The following APLP2 variants were observed in gnomAD, a reference collection of about 807,000 sequenced individuals.
APLP2 encodes CDEI box-binding protein.
Under a neutral mutation model 89.9 loss-of-function variants are expected in APLP2, and 53 were observed. The observed-to-expected ratio is 0.59, with a 90% CI of 0.47 to 0.74. The LOEUF (loss-of-function observed/expected upper bound fraction) is 0.74, where lower values mean the gene tolerates loss of function less well. Ranked by LOEUF, APLP2 falls within the 30% of genes least tolerant of loss-of-function variation. The probability of loss-of-function intolerance (pLI) is 0.00; values close to 1 mark genes in which losing one functional copy is unlikely to be tolerated. For missense variants in APLP2, 973 were observed against 975.9 expected, an observed-to-expected ratio of 1.00 and a Z score of 0.04; for synonymous variants, 372 against 348.6, an observed-to-expected ratio of 1.07 and a Z score of -0.75.
At chr11:130,079,181 C>G (rs1346366243) in intron 1 of APLP2, among the ~76,000 whole-genome samples, 1 of 151,974 alleles carries the variant, frequency 6.6e-6, no homozygotes, top group Non-Finnish European at 1.5e-5. Context: ...TCACTGCAAC[C>G]TTTGTCTCCC....
rs758301370 is a variant in APLP2 at position 130,143,549 on chromosome 11, G to C, written c.*101G>C. ...AGCAGCAGCCGCTGCCAGGGGCTGC[G>C]TCTGACATCCTGACCTCCTGGACTG... is the stretch of plus-strand genomic sequence containing the variant. On this transcript the variant is annotated 3_prime_UTR_variant, in exon 17 of 17. Coordinates refer to ENST00000338167, the MANE Select transcript of APLP2 (RefSeq NM_001142276.2). 1.6e-5 allele frequency: 15 copies of C among 962,868 alleles called. No individual in the cohort carries two copies. Among genetic ancestry groups the C allele is most frequent in the Non-Finnish European group, 2.3e-5 (14 of 603,216 alleles). The allele number at this position is 962,868 out of a possible 1,614,324, so 59.6% of individuals were successfully genotyped here. A position where few individuals can be genotyped will look rare whatever the true frequency, so the allele number is the denominator to read the frequency against.
chr11:130,084,391 G>T lies in APLP2; in HGVS notation c.105+14309G>T, dbSNP rs1943761664. Among the ~76,000 whole-genome samples, 4 of 152,308 alleles carry T rather than the reference G, an allele frequency of 2.6e-5. No individual in the cohort carries two copies. The South Asian group carries it at 8.3e-4, about 32-fold the overall frequency. ...CAGGGATAAATCCCACTTGATCCAGGTGTATGATCTTATTAATGTGTTGTC... is the reference window on the plus strand; with the variant it reads ...CAGGGATAAATCCCACTTGATCCAGTTGTATGATCTTATTAATGTGTTGTC... On this transcript the variant is annotated intron_variant, in intron 1 of 16. Transcript: ENST00000338167.
Position 130,137,250 on chromosome 11 carries a change from T to C in APLP2, c.1837+1535T>C, listed in dbSNP as rs372412146. 28 of 1,613,934 alleles carry C rather than the reference T, an allele frequency of 1.7e-5. No homozygotes were observed. The African/African-American group carries it at 3.5e-4, about 20-fold the overall frequency. On this transcript the variant is annotated intron_variant, in intron 13 of 16. Transcript: ENST00000338167. ...TTTTGTTTTTTATTGTTTTCCTTTC[T>C]GCTAGACACTCAGCCGGAGTTGTAC... is the stretch of plus-strand genomic sequence containing the variant.
chr11:130,102,096 GA>G, intron 1 of APLP2: 7 of 356,800 alleles, frequency 2.0e-5, no homozygotes, highest in Non-Finnish European at 2.7e-5. Context: ...ACTGAGAACA[GA>G]ATTTTTTTTT....
chr11:130,084,168 C>A (rs944188509), intron 1 of APLP2, among the ~76,000 whole-genome samples: 55 of 152,206 alleles, frequency 3.6e-4, no homozygotes, highest in African/African-American at 1.3e-3. Context: ...ATGGCGTGAA[C>A]CTGGGAGGTG....
intron 5 of APLP2, 53 bp downstream of exon 5, chr11:130,121,863 C>A: frequency 6.3e-7 from 1 of 1,577,768 alleles, no homozygotes; most frequent in Non-Finnish European, 8.6e-7. Flanking sequence ...GTTAGCCCTT[C>A]TGTAAAGACG....
rs138494606 is a variant in APLP2 at position 130,073,166 on chromosome 11, CA to C, written c.105+3085del. Reference sequence around the variant, plus strand: ...AGATGTACTGGAAGTGTAACATACACATCAGATTTTGAAGATTTAATACAGA... The same window carrying C: ...AGATGTACTGGAAGTGTAACATACACTCAGATTTTGAAGATTTAATACAGA... On this transcript the variant is annotated intron_variant, in intron 1 of 16. Transcript: ENST00000338167. Among the ~76,000 whole-genome samples, 394 of 152,250 alleles carry C rather than the reference CA, an allele frequency of 2.6e-3. 3 individuals are homozygous for C. The highest frequency in any genetic ancestry group is 9.1e-3 in the African/African-American group (376 of 41,534).
At position 130,123,612 on chromosome 11, in the gene APLP2, C is replaced by T; in HGVS notation, c.923C>T (p.Ala308Val). The change falls in exon 7 of 17, where the codon GCT becomes GTT. Residue 308 changes from alanine (A) to valine (V), a missense_variant and splice_region_variant. By Grantham distance (64) the Ala-to-Val change is moderately conservative (BLOSUM62 0). Coordinates refer to ENST00000338167, the MANE Select transcript of APLP2 (RefSeq NM_001142276.2). This position sits in a 1 kb window ranked among gnomAD's most constrained non-coding sequence, Gnocchi z 4.0. ...TGACACTCTGACCATTTTCACACAG[C>T]TGTCTGCTCCCAGGAGGCGATGACG... ...SDKEITHDVK[A>V]VCSQEAMTGP... 6.2e-7 allele frequency: 1 copy of T among 1,612,576 alleles called. No homozygotes were observed. Among genetic ancestry groups the T allele is most frequent in the African/African-American group, 1.3e-5 (1 of 74,990 alleles).
At chr11:130,090,719 G>A (rs1335632303) in intron 1 of APLP2, among the ~76,000 whole-genome samples, 1 of 152,168 alleles carries the variant, frequency 6.6e-6, no homozygotes, top group African/African-American at 2.4e-5. Context: ...CACCTTTCCT[G>A]CCCCTCCACT....
chr11:130,070,402 G>C (rs567576768), intron 1 of APLP2, among the ~76,000 whole-genome samples: 1 of 151,428 alleles, frequency 6.6e-6, no homozygotes, highest in Non-Finnish European at 1.5e-5. Flanking sequence ...GTGCCCCCGG[G>C]CGCCCGCCCC....
chr11:130,104,191 A>C (rs6590440), intron 1 of APLP2, among the ~76,000 whole-genome samples: 31,452 of 140,038 alleles, frequency 0.22, 4,819 homozygotes, highest in East Asian at 0.44. Flanking sequence ...AAAGAACAGG[A>C]CTTTTGGTAC....
intron 5 of APLP2, 36 bp from the exon 6 acceptor site, chr11:130,122,269 C>G: frequency 6.2e-7 from 1 of 1,611,358 alleles, no homozygotes; most frequent in Non-Finnish European, 8.5e-7. Context: ...CACATAGGAG[C>G]TATTAACCTT....
intron 1 of APLP2, among the ~76,000 whole-genome samples, chr11:130,076,879 A>G (rs1942232177): frequency 6.6e-6 from 1 of 152,200 alleles, no homozygotes; most frequent in Non-Finnish European, 1.5e-5. Context: ...TAGCCAAAGC[A>G]AGCCTTGGCA....
intron 3 of APLP2, among the ~76,000 whole-genome samples, chr11:130,119,318 G>T (rs533457798): frequency 6.6e-6 from 1 of 152,316 alleles, no homozygotes; most frequent in South Asian, 2.1e-4. Context: ...CATGGCAGAC[G>T]TATGCCCAGT....
chr11:130,091,843 G>T, intron 1 of APLP2, among the ~76,000 whole-genome samples: 1 of 148,250 alleles, frequency 6.7e-6, no homozygotes, highest in East Asian at 2.2e-4. Flanking sequence ...CTCCCTCCCG[G>T]ACGGGGTGGC....
chr11:130,070,620 G>C (rs1940812465), intron 1 of APLP2: 3 of 1,431,434 alleles, frequency 2.1e-6, no homozygotes, highest in Admixed American at 2.7e-5. Flanking sequence ...GGGATGCTGC[G>C]AGCCCCGGGG....
intron 3 of APLP2, among the ~76,000 whole-genome samples, chr11:130,119,296 CTG>C (rs1365429775): frequency 6.6e-6 from 1 of 152,258 alleles, no homozygotes; most frequent in Non-Finnish European, 1.5e-5. Flanking sequence ...TCCCTCTACA[CTG>C]TGTGGAGCAC....
chr11:130,126,528 A>G (rs1481212619), intron 7 of APLP2, among the ~76,000 whole-genome samples, 172 bp from the exon 8 acceptor site: 1 of 152,246 alleles, frequency 6.6e-6, no homozygotes, highest in African/African-American at 2.4e-5. Flanking sequence ...TGTGTAAGGA[A>G]GATTGCCCAC....
At chr11:130,095,626 G>A (rs1946093414) in intron 1 of APLP2, among the ~76,000 whole-genome samples, 1 of 152,256 alleles carries the variant, frequency 6.6e-6, no homozygotes, top group Non-Finnish European at 1.5e-5. Context: ...GTGAGCTCTA[G>A]CCTTGTACTG....
Sources: gnomAD v4.1 joint callset for allele counts (sites outside exome capture counted in the v4.1 genomes callset) on GRCh38, gnomAD v4.1.1 for gene constraint, Gnocchi (gnomAD v3.1) non-coding constraint, MANE v1.5 for transcripts, NCBI Gene and HGNC (gene_info 2026-07-23, HGNC 2026-07-21) for gene names.